UBA6: variants seen among roughly 807,000 people sequenced by gnomAD.
The protein encoded by UBA6 is ubiquitin-like modifier-activating enzyme 6.
In UBA6, 87 loss-of-function variants were observed where a neutral mutation model predicts 148.3. That is an observed-to-expected ratio of 0.59 (90% CI 0.49 to 0.70). UBA6 has a LOEUF of 0.70. Ranked by LOEUF, UBA6 falls within the 30% of genes least tolerant of loss-of-function variation. UBA6 has a pLI of 0.00. For synonymous variants in UBA6, 376 were observed against 401.0 expected, an observed-to-expected ratio of 0.94 and a Z score of 0.75; for missense variants, 1,186 against 1,241.2, an observed-to-expected ratio of 0.96 and a Z score of 0.67.
At chr4:67,634,083 A>G (rs1303200735) in intron 22 of UBA6, among the ~76,000 whole-genome samples, 159 bp downstream of exon 22, 1 of 152,144 alleles carries the variant, frequency 6.6e-6, no homozygotes, top group Non-Finnish European at 1.5e-5. Flanking sequence ...AACCAAAATG[A>G]TAATTTGTGA....
At chr4:67,675,070 A>G (rs1227138241) in intron 6 of UBA6, among the ~76,000 whole-genome samples, 1 of 152,206 alleles carries the variant, frequency 6.6e-6, no homozygotes, top group Non-Finnish European at 1.5e-5. Flanking sequence ...GGGTTTCGCC[A>G]TGCTGGCCAG....
intron 7 of UBA6, among the ~76,000 whole-genome samples, chr4:67,672,880 G>C (rs1301748024): frequency 2.0e-5 from 3 of 152,074 alleles, no homozygotes. Flanking sequence ...AAGAGAACCA[G>C]AACTGTCCTT....
intron 1 of UBA6, 65 bp from the exon 2 acceptor site, chr4:67,696,772 G>A: frequency 2.3e-6 from 3 of 1,305,578 alleles, no homozygotes; most frequent in Non-Finnish European, 3.3e-6. Flanking sequence ...TTACTTGTGT[G>A]ATCAGATTCA....
At chr4:67,682,081 CAA>C (rs1480355244) in intron 3 of UBA6, 36 bp downstream of exon 3, 1 of 1,452,480 alleles carries the variant, frequency 6.9e-7, no homozygotes, top group Non-Finnish European at 9.6e-7. Context: ...CTTCATTGCT[CAA>C]AAGTGTCAAA....
At position 67,652,398 on chromosome 4, in the gene UBA6, A is replaced by C. The variant is rs191578372; in HGVS notation, c.1105-3187T>G. ...AAACCAAAATGAGATACTACCACAC[A>C]CATAAAAATGTTTAAAATCATATAA... On this transcript the variant is annotated intron_variant, in intron 13 of 32. Coordinates refer to ENST00000322244, the MANE Select transcript of UBA6 (RefSeq NM_018227.6). Among the ~76,000 whole-genome samples, 456 of 152,372 alleles carry C rather than the reference A, an allele frequency of 3.0e-3. 4 individuals carry two copies. The highest frequency in any genetic ancestry group is 4.8e-3 in the Non-Finnish European group (326 of 68,036).
intron 21 of UBA6, 50 bp from the exon 22 acceptor site, chr4:67,634,372 G>A (rs780729077): frequency 3.2e-6 from 5 of 1,556,390 alleles, no homozygotes; most frequent in East Asian, 2.3e-5. Context: ...TCTGTTTAAA[G>A]TCAGAAATAT....
At chr4:67,635,946 T>C (rs1047567752) in intron 19 of UBA6, among the ~76,000 whole-genome samples, 1 of 152,218 alleles carries the variant, frequency 6.6e-6, no homozygotes, top group Non-Finnish European at 1.5e-5. Context: ...ACAATACCTA[T>C]ATTCTACAAA....
rs541727287 is a variant in UBA6 at position 67,621,752 on chromosome 4, C to G, written c.3023+1079G>C. Among the ~76,000 whole-genome samples the G allele has an allele frequency of 2.0e-5, 3 of 152,326 alleles. No individual in the cohort carries two copies. In the East Asian group the frequency reaches 5.8e-4, roughly 29 times the overall value. ...CTCAGGAGGCAGAGGTTGCAGTGAG[C>G]TGAGATCGCGCCACTGCAATCCAGC... On this transcript the variant is annotated intron_variant, in intron 32 of 32. Transcript: ENST00000322244.
chr4:67,627,356 T>C (rs1286707113), intron 27 of UBA6, among the ~76,000 whole-genome samples: 3 of 151,934 alleles, frequency 2.0e-5, no homozygotes, highest in Non-Finnish European at 4.4e-5. Flanking sequence ...TACCTGAAAC[T>C]TCGGTGTGAG....
rs926596182 is a variant in UBA6 at position 67,625,041 on chromosome 4, T to C, written c.2665A>G (p.Lys889Glu). 2.5e-6 allele frequency: 4 copies of C among 1,611,826 alleles called. No individual in the cohort carries two copies. Among genetic ancestry groups the C allele is most frequent in the Non-Finnish European group, 3.4e-6 (4 of 1,178,416 alleles). The change falls in exon 29 of 33, where the codon AAA (lysine) becomes GAA (glutamate). Residue 889 changes from lysine (K) to glutamate (E), a missense_variant. Physicochemically the swap from Lys to Glu is moderately conservative, Grantham distance 56. Transcript: ENST00000322244. ...DRFKTKRIAG[K>E]IIPAIATTTA... The stretch of plus-strand genomic sequence containing the variant: ...GTTGTTGCTATAGCAGGTATAATTT[T>C]ACCAGCTATGCGCTTTGTTTTGAAA...
rs1170221146 is a variant in UBA6 at position 67,617,212 on chromosome 4, GA to G, written c.*1784del. The G allele has an allele frequency of 3.3e-5, 5 of 152,068 alleles. No homozygotes were observed. The highest frequency in any genetic ancestry group is 3.3e-4 in the Admixed American group (5 of 15,270). The allele number at this position is 152,068 out of a possible 1,614,324, so 9.4% of individuals were successfully genotyped here. Reference sequence around the variant, plus strand: ...TACTGGATCATATTTATGGACTGCTGAATTAACTACCCGAAAAGTATCAGTT... The same window carrying G: ...TACTGGATCATATTTATGGACTGCTGATTAACTACCCGAAAAGTATCAGTT... On this transcript the variant is annotated 3_prime_UTR_variant, in exon 33 of 33. Coordinates refer to ENST00000322244, the MANE Select transcript of UBA6 (RefSeq NM_018227.6).
At chr4:67,654,983 G>A (rs1011607058) in intron 13 of UBA6, among the ~76,000 whole-genome samples, 1 of 151,966 alleles carries the variant, frequency 6.6e-6, no homozygotes, top group Non-Finnish European at 1.5e-5. Flanking sequence ...AATTCAACAA[G>A]AAGAGCTAAC....
Position 67,695,232 on chromosome 4 carries a change from C to T in UBA6, c.134+1413G>A, listed in dbSNP as rs6852726. 8.0e-3 allele frequency among the ~76,000 whole-genome samples: 1,212 copies of T among 152,302 alleles called. 16 individuals carry two copies. Among genetic ancestry groups the T allele is most frequent in the African/African-American group, 0.028 (1,153 of 41,556 alleles). On this transcript the variant is annotated intron_variant, in intron 2 of 32. Coordinates refer to ENST00000322244, the MANE Select transcript of UBA6 (RefSeq NM_018227.6). The stretch of plus-strand genomic sequence containing the variant: ...TATAATTATAGATTAAGAATCCCAA[C>T]GTAAGAGTCCCACTCTCCCTTTTTG...
chr4:67,623,286 A>T (rs1330915958), intron 30 of UBA6, 64 bp from the exon 31 acceptor site: 5 of 1,268,562 alleles, frequency 3.9e-6, no homozygotes, highest in Non-Finnish European at 5.6e-6. Context: ...GATGACACAC[A>T]CACAAAAAAA....
At chr4:67,666,888 A>T (rs1366128857) in intron 9 of UBA6, among the ~76,000 whole-genome samples, 1 of 152,182 alleles carries the variant, frequency 6.6e-6, no homozygotes, top group Non-Finnish European at 1.5e-5. Flanking sequence ...AAAAGAAGCA[A>T]AAAACAAACG....
Position 67,619,020 on chromosome 4 carries a change from A to G in UBA6, c.3136T>C (p.Tyr1046His), listed in dbSNP as rs150345936. ...TATTAATCAGTGTCATGACTGAAGTAGTATCTTACTGGAGGTCCCGGCAAA... is the reference window on the plus strand; with the variant it reads ...TATTAATCAGTGTCATGACTGAAGTGGTATCTTACTGGAGGTCCCGGCAAA... ...EDLPGPPVRY[Y>H]FSHDTD The change falls in exon 33 of 33, where the codon TAC (tyrosine) becomes CAC (histidine). Residue 1046 changes from tyrosine to histidine, a missense_variant. Physicochemically the swap from Tyr to His is moderately conservative, Grantham distance 83. Coordinates refer to ENST00000322244, the MANE Select transcript of UBA6 (RefSeq NM_018227.6). The G allele has an allele frequency of 4.6e-5, 74 of 1,614,030 alleles. No individual in the cohort carries two copies. In the African/African-American group the frequency reaches 8.5e-4, roughly 19 times the overall value.
chr4:67,672,601 GC>G, intron 7 of UBA6, among the ~76,000 whole-genome samples: 1 of 152,130 alleles, frequency 6.6e-6, no homozygotes, highest in East Asian at 1.9e-4. Flanking sequence ...GTAACGTATG[GC>G]CCCCAACCTA....
Position 67,616,397 on chromosome 4 carries a change from T to C in UBA6, c.*2600A>G. On this transcript the variant is annotated 3_prime_UTR_variant, in exon 33 of 33. Transcript: ENST00000322244. ...ATAAACATAGTTGCTTTTTTAATGT[T>C]CCATGAATATCACCAGAGTGTGACA... The C allele has an allele frequency of 6.1e-6, 2 of 325,484 alleles. No homozygotes were observed. Among genetic ancestry groups the C allele is most frequent in the Non-Finnish European group, 5.5e-6 (1 of 180,720 alleles). The allele number at this position is 325,484 out of a possible 1,614,324, so 20.2% of individuals were successfully genotyped here. A position where few individuals can be genotyped will look rare whatever the true frequency, so the allele number is the denominator to read the frequency against.
chr4:67,694,822 TAAGG>T (rs150911849), intron 2 of UBA6, among the ~76,000 whole-genome samples: 14 of 152,308 alleles, frequency 9.2e-5, no homozygotes, highest in Non-Finnish European at 1.8e-4. Flanking sequence ...GACAAATTCT[TAAGG>T]AAGATATTAA....
Sources: gnomAD v4.1 joint callset for allele counts (sites outside exome capture counted in the v4.1 genomes callset) on GRCh38, gnomAD v4.1.1 for gene constraint, MANE v1.5 for transcripts, NCBI Gene and HGNC (gene_info 2026-07-23, HGNC 2026-07-21) for gene names.